Variants in EYS observed in about 807,000 individuals in gnomAD.
EYS encodes EGF-like photoreceptor maintenance factor.
EYS carries 250 observed loss-of-function variants against 282.1 expected under a neutral mutation model. That is an observed-to-expected ratio of 0.89 (90% confidence interval 0.80 to 0.98). The LOEUF is 0.98. EYS is among the 50% of genes least tolerant of loss of function. The pLI is 0.00. For missense variants in EYS, 4,016 were observed against 3,709.0 expected (o/e 1.08, Z -2.15); for synonymous variants, 1,355 against 1,282.9 (o/e 1.06, Z -1.20).
chr6:64,473,771 C>A (rs1776190282), intron 26 of EYS, among the ~76,000 whole-genome samples: 1 of 152,104 alleles, frequency 6.6e-6, no homozygotes, highest in African/African-American at 2.4e-5. Context: ...GATCACCAGC[C>A]AGAATGGGTC....
chr6:65,332,586 G>A (rs142494323), intron 11 of EYS, among the ~76,000 whole-genome samples: 1 of 151,350 alleles, frequency 6.6e-6, no homozygotes. Context: ...TGAAAACATA[G>A]ATTTGCCTAT....
chr6:64,738,070 C>A (rs1419557323), intron 22 of EYS, among the ~76,000 whole-genome samples: 1 of 151,848 alleles, frequency 6.6e-6, no homozygotes, highest in Non-Finnish European at 1.5e-5. Flanking sequence ...GAAATAAAAA[C>A]AATTGTGTTA....
At chr6:65,400,253 A>G (rs184010232) in intron 7 of EYS, among the ~76,000 whole-genome samples, 1 of 152,062 alleles carries the variant, frequency 6.6e-6, no homozygotes. Flanking sequence ...TTTTTAAAAT[A>G]TTTGTTTCTT....
intron 12 of EYS, among the ~76,000 whole-genome samples, chr6:65,231,619 G>GT (rs1766785184): frequency 6.6e-6 from 1 of 151,678 alleles, no homozygotes; most frequent in Admixed American, 6.6e-5. Flanking sequence ...TGCTATCAAG[G>GT]TTTGAGAAAG....
At chr6:64,353,400 C>T (rs1276624069) in intron 29 of EYS, among the ~76,000 whole-genome samples, 1 of 151,544 alleles carries the variant, frequency 6.6e-6, no homozygotes, top group Non-Finnish European at 1.5e-5. Context: ...ATTACCTGTG[C>T]ATCTTCTAGA....
intron 26 of EYS, among the ~76,000 whole-genome samples, chr6:64,513,420 T>C (rs751927423): frequency 3.2e-4 from 49 of 152,098 alleles, no homozygotes; most frequent in Admixed American, 6.6e-4. Flanking sequence ...AACTAGTATG[T>C]TAAGCAGAGA....
At chr6:64,868,595 G>T (rs1766494715) in intron 19 of EYS, among the ~76,000 whole-genome samples, 1 of 151,472 alleles carries the variant, frequency 6.6e-6, no homozygotes, top group African/African-American at 2.4e-5. Context: ...TTGGTTACTT[G>T]ATAAAATTCT....
chr6:64,226,159 A>C (rs978322529), intron 31 of EYS, among the ~76,000 whole-genome samples: 7 of 151,942 alleles, frequency 4.6e-5, no homozygotes, highest in African/African-American at 1.7e-4. Flanking sequence ...ATCTGATTTA[A>C]AGTTAATAAA....
chr6:65,161,136 G>A (rs1211427866), intron 12 of EYS, among the ~76,000 whole-genome samples: 1 of 150,914 alleles, frequency 6.6e-6, no homozygotes, highest in Non-Finnish European at 1.5e-5. Flanking sequence ...TAAGCAATAA[G>A]GAGTTGGCTA....
chr6:64,599,246 G>A (rs912082113), intron 24 of EYS, among the ~76,000 whole-genome samples: 6 of 152,076 alleles, frequency 3.9e-5, no homozygotes, highest in South Asian at 2.1e-4. Flanking sequence ...GCTTGGATTC[G>A]GGGGAAGAAT....
chr6:63,912,003 C>T (rs1764263834), intron 35 of EYS, among the ~76,000 whole-genome samples: 1 of 152,164 alleles, frequency 6.6e-6, no homozygotes, highest in African/African-American at 2.4e-5. Context: ...TTAAGATACT[C>T]AGAAAGCCCA....
chr6:64,804,309 T>G (rs901647254), intron 22 of EYS, among the ~76,000 whole-genome samples: 1 of 152,216 alleles, frequency 6.6e-6, no homozygotes, highest in African/African-American at 2.4e-5. Context: ...ACAGTAAAGA[T>G]AGTAGAACTG....
At chr6:64,531,666 C>T (rs1044396928) in intron 26 of EYS, among the ~76,000 whole-genome samples, 19 of 151,558 alleles carry the variant, frequency 1.3e-4, no homozygotes, top group African/African-American at 4.4e-4. Flanking sequence ...CTCCTGATCT[C>T]GTGATCCACC....
intron 19 of EYS, among the ~76,000 whole-genome samples, chr6:64,842,529 T>G (rs1765592624): frequency 6.6e-6 from 1 of 151,882 alleles, no homozygotes; most frequent in Non-Finnish European, 1.5e-5. Flanking sequence ...CAGAAAAATG[T>G]GGGAAAGTTT....
intron 1 of EYS, among the ~76,000 whole-genome samples, chr6:65,652,070 CA>C (rs981386994): frequency 2.0e-5 from 3 of 151,556 alleles, no homozygotes; most frequent in Admixed American, 6.6e-5. Context: ...TAAATAAAAG[CA>C]AAACATCAAT....
chr6:65,576,782 C>T (rs1373599218), intron 2 of EYS, among the ~76,000 whole-genome samples: 1 of 151,644 alleles, frequency 6.6e-6, no homozygotes, highest in Non-Finnish European at 1.5e-5. Flanking sequence ...GCACTAACAA[C>T]AAACTATTTT....
In EYS at chr6:63,720,128, C is replaced by A. The variant is rs1403350010; in HGVS notation, c.*468G>T. 1 of 163,148 alleles carries A rather than the reference C, an allele frequency of 6.1e-6. No individual in the cohort carries two copies. Among genetic ancestry groups the A allele is most frequent in the Non-Finnish European group, 1.3e-5 (1 of 75,720 alleles). 10.1% of individuals were successfully genotyped at this position (163,148 alleles called of 1,614,324 possible). ...TAAGTTGTAGCTAAGCCATGTAATA[C>A]AATATGGTTACATTGCTTTGTATAA... is the stretch of plus-strand genomic sequence containing the variant. On this transcript the variant is annotated 3_prime_UTR_variant, in exon 43 of 43. Coordinates refer to ENST00000503581, the MANE Select transcript of EYS (RefSeq NM_001142800.2).
chr6:65,615,859 A>G (rs529504557), intron 2 of EYS, among the ~76,000 whole-genome samples: 1 of 152,124 alleles, frequency 6.6e-6, no homozygotes, highest in East Asian at 1.9e-4. Context: ...GCGTGAGGCC[A>G]GGAGGCGGAG....
rs1769266478 is a variant in EYS, at chr6:64,945,773, G to GAA, written c.2381+19_2381+20insTT. ...CACTCCAAGTAATTTCATGAAGAAA[G>GAA]CTAAAAATATGTTACTCACCGATAG... On this transcript the variant is annotated intron_variant, in intron 15 of 42. Transcript: ENST00000503581. 1 of 1,546,888 alleles carries GAA rather than the reference G, an allele frequency of 6.5e-7. No individual in the cohort carries two copies. Among genetic ancestry groups the GAA allele is most frequent in the Admixed American group, 2.0e-5 (1 of 50,792 alleles).
Sources: allele counts gnomAD v4.1 joint callset (sites outside exome capture counted in the v4.1 genomes callset), GRCh38; gene constraint gnomAD v4.1.1; transcripts MANE v1.5; gene names NCBI Gene and HGNC (gene_info 2026-07-23, HGNC 2026-07-21).